LRRIQ1: variants seen among roughly 807,000 people sequenced by gnomAD.
LRRIQ1 encodes leucine rich repeats and IQ motif containing 1.
Under a neutral mutation model 211.9 loss-of-function variants are expected in LRRIQ1, and 210 were observed. The observed-to-expected ratio is 0.99, with a 90% CI of 0.89 to 1.11. The LOEUF is 1.11. Ranked by LOEUF, LRRIQ1 falls within the 50% of genes most tolerant of loss-of-function variation. LRRIQ1 has a pLI of 0.00. For missense variants in LRRIQ1, 2,136 were observed against 1,939.5 expected (o/e 1.10, Z -1.90); for synonymous variants, 699 against 650.1 (o/e 1.08, Z -1.14).
chr12:85,074,585 A>G (rs576318463), intron 11 of LRRIQ1, among the ~76,000 whole-genome samples: 21 of 151,636 alleles, frequency 1.4e-4, no homozygotes, highest in Admixed American at 8.6e-4. Context: ...AGCATCCCCA[A>G]CTCCTCCCAG....
intron 24 of LRRIQ1, among the ~76,000 whole-genome samples, chr12:85,167,914 G>A (rs1173656157): frequency 6.6e-6 from 1 of 152,122 alleles, no homozygotes; most frequent in Non-Finnish European, 1.5e-5. Context: ...AATCGGAAGT[G>A]CACTAATCCT....
chr12:85,166,900 G>C (rs1173834723), intron 24 of LRRIQ1, among the ~76,000 whole-genome samples: 1 of 152,070 alleles, frequency 6.6e-6, no homozygotes, highest in African/African-American at 2.4e-5. Flanking sequence ...ACTAAGTTTT[G>C]AGCTCCATGT....
At chr12:85,200,625 C>A (rs1314605703) in intron 24 of LRRIQ1, among the ~76,000 whole-genome samples, 2 of 151,982 alleles carry the variant, frequency 1.3e-5, no homozygotes, top group Non-Finnish European at 2.9e-5. Flanking sequence ...TATTCTGAAA[C>A]ATGTTCCTTC....
At chr12:85,255,594 C>T (rs1019437598) in intron 1 of LRRIQ1, among the ~76,000 whole-genome samples, 11 of 151,726 alleles carry the variant, frequency 7.2e-5, no homozygotes, top group South Asian at 2.1e-4. Flanking sequence ...ATATCAGTAA[C>T]GAACTTATAG....
At chr12:85,175,233 A>C (rs1255953041) in intron 24 of LRRIQ1, among the ~76,000 whole-genome samples, 1 of 152,170 alleles carries the variant, frequency 6.6e-6, no homozygotes, top group Non-Finnish European at 1.5e-5. Context: ...ATCCAGCAAG[A>C]GAAAGAAGCA....
intron 19 of LRRIQ1, among the ~76,000 whole-genome samples, chr12:85,142,813 A>T (rs1017222043): frequency 6.6e-6 from 1 of 151,460 alleles, no homozygotes; most frequent in African/African-American, 2.4e-5. Context: ...CATCTTTTTT[A>T]TGGATGGATA....
In LRRIQ1 at chr12:85,107,555, A is replaced by G. The variant is rs915259738; in HGVS notation, c.3377+940A>G. ...ACTTGGGATTTATCACACTTTTTGG[A>G]TCTGCCATTTTCATAAAATTTGGAA... On this transcript the variant is annotated intron_variant, in intron 15 of 26. Coordinates refer to ENST00000393217, the MANE Select transcript of LRRIQ1 (RefSeq NM_001079910.2). 2.5e-4 allele frequency among the ~76,000 whole-genome samples: 38 copies of G among 151,488 alleles called. 1 individual carries two copies. Among genetic ancestry groups the G allele is most frequent in the African/African-American group, 2.4e-5 (1 of 41,256 alleles).
At chr12:85,177,975 G>C (rs207473208) in intron 24 of LRRIQ1, among the ~76,000 whole-genome samples, 1 of 152,102 alleles carries the variant, frequency 6.6e-6, no homozygotes, top group African/African-American at 2.4e-5. Flanking sequence ...CCTATGGAAT[G>C]AGAAGAATAA....
intron 24 of LRRIQ1, among the ~76,000 whole-genome samples, chr12:85,205,485 T>C (rs935959811): frequency 6.6e-6 from 1 of 152,234 alleles, no homozygotes; most frequent in African/African-American, 2.4e-5. Context: ...GCCTGATAGA[T>C]TTCCTTTGTG....
In LRRIQ1 at chr12:85,232,908, CAT is replaced by C. The variant is rs1895013965; in HGVS notation, c.5016+153_5016+154del. ...AAAATATCATGTGTTAAAATAATAA[CAT>C]GTTTTCTTGACTTGTAATACAATTT... On this transcript the variant is annotated intron_variant, in intron 26 of 26. Coordinates refer to ENST00000393217, the MANE Select transcript of LRRIQ1 (RefSeq NM_001079910.2). The C allele has an allele frequency of 1.8e-5, 10 of 564,254 alleles. No individual in the cohort carries two copies. In the East Asian group the frequency reaches 2.2e-4, roughly 13 times the overall value. 35.0% of individuals were successfully genotyped at this position (564,254 alleles called of 1,614,324 possible).
downstream of LRRIQ1, among the ~76,000 whole-genome samples, chr12:85,264,994 G>T (rs150716330): frequency 3.3e-5 from 5 of 152,114 alleles, no homozygotes; most frequent in Admixed American, 2.6e-4. Context: ...TGCTAGGTAG[G>T]GGGTGTTTGG....
chr12:85,128,383 T>A (rs1246994034), intron 18 of LRRIQ1, among the ~76,000 whole-genome samples: 1 of 152,160 alleles, frequency 6.6e-6, no homozygotes, highest in African/African-American at 2.4e-5. Context: ...GAGGATTGCT[T>A]GAAGCCAGGA....
chr12:85,107,716 T>C (rs747650943), intron 15 of LRRIQ1, among the ~76,000 whole-genome samples: 7 of 152,090 alleles, frequency 4.6e-5, no homozygotes, highest in Non-Finnish European at 8.8e-5. Context: ...TTTTACTTAT[T>C]ATTATTTATT....
chr12:85,051,523 C>T (rs920194259), intron 6 of LRRIQ1, among the ~76,000 whole-genome samples: 1 of 152,132 alleles, frequency 6.6e-6, no homozygotes, highest in African/African-American at 2.4e-5. Flanking sequence ...AAATGTTTCT[C>T]TTCTTGAAAA....
At chr12:85,107,796 G>C (rs1565837902) in intron 15 of LRRIQ1, among the ~76,000 whole-genome samples, 1 of 151,818 alleles carries the variant, frequency 6.6e-6, no homozygotes, top group Non-Finnish European at 1.5e-5. Flanking sequence ...GATATTTTCT[G>C]TTTAAGTATC....
At chr12:85,215,097 G>C (rs919114475) in intron 24 of LRRIQ1, among the ~76,000 whole-genome samples, 1 of 152,132 alleles carries the variant, frequency 6.6e-6, no homozygotes, top group Non-Finnish European at 1.5e-5. Flanking sequence ...TTTGCAACCA[G>C]AGAAAGGCTA....
At chr12:85,084,907 C>G (rs1009964422) in intron 11 of LRRIQ1, among the ~76,000 whole-genome samples, 1 of 146,286 alleles carries the variant, frequency 6.8e-6, no homozygotes, top group African/African-American at 2.5e-5. Flanking sequence ...GCCTGGGCAA[C>G]AGAGTAAGAC....
chr12:85,123,748 CATG>C (rs1318551204), intron 16 of LRRIQ1, among the ~76,000 whole-genome samples: 3 of 152,068 alleles, frequency 2.0e-5, no homozygotes, highest in Admixed American at 6.5e-5. Context: ...TTTAGTCAGC[CATG>C]ATTTCTCATG....
At chr12:85,181,114 C>CATGTCAT in intron 24 of LRRIQ1, among the ~76,000 whole-genome samples, 2 of 43,872 alleles carry the variant, frequency 4.6e-5, no homozygotes, top group African/African-American at 3.3e-4. Context: ...TATACTATCC[C>CATGTCAT]TTGAACTTAG....
Sources: gnomAD v4.1 joint callset for allele counts (sites outside exome capture counted in the v4.1 genomes callset) on GRCh38, gnomAD v4.1.1 for gene constraint, MANE v1.5 for transcripts, NCBI Gene and HGNC (gene_info 2026-07-23, HGNC 2026-07-21) for gene names.